Variants in PKHD1L1 observed in about 807,000 individuals in gnomAD.
The protein encoded by PKHD1L1 is PKHD1 like 1, also known as fibrocystin-L.
A neutral mutation model predicts 462.9 loss-of-function variants in PKHD1L1; 434 were observed. The observed-to-expected ratio is 0.94, with a 90% CI of 0.87 to 1.02. The LOEUF is 1.02. Ranked by LOEUF, PKHD1L1 falls within the 50% of genes least tolerant of loss-of-function variation. PKHD1L1 has a pLI of 0.00. For synonymous variants in PKHD1L1, 1,781 were observed against 1,750.0 expected, an observed-to-expected ratio of 1.02 and a Z score of -0.44; for missense variants, 5,202 against 5,096.1, an observed-to-expected ratio of 1.02 and a Z score of -0.63.
intron 21 of PKHD1L1, among the ~76,000 whole-genome samples, chr8:109,416,320 C>G (rs1814167982): frequency 6.6e-6 from 1 of 152,100 alleles, no homozygotes; most frequent in African/African-American, 2.4e-5. Flanking sequence ...ACACAAAGTT[C>G]ATTAGATACT....
Position 109,400,124 on chromosome 8 carries a change from G to A in PKHD1L1, c.1061G>A (p.Arg354His), listed in dbSNP as rs767792783. The A allele has an allele frequency of 1.5e-5, 24 of 1,613,040 alleles. No individual in the cohort carries two copies. The highest frequency in any genetic ancestry group is 5.0e-5 in the Admixed American group (3 of 59,936). The stretch of plus-strand genomic sequence containing the variant: ...GTGTGGAATAATAGCCGTCCAATAC[G>A]TTTGGAAGAGATACTGGAATACAAT... ...LEVWNNSRPI[R>H]LEEILEYNEK... The change falls in exon 13 of 78, where the codon CGT becomes CAT. Residue 354 changes from arginine (R) to histidine (H), a missense_variant. Arg to His is a conservative substitution (Grantham distance 29, BLOSUM62 0). Coordinates refer to ENST00000378402, the MANE Select transcript of PKHD1L1 (RefSeq NM_177531.6).
At chr8:109,404,860 G>T in intron 15 of PKHD1L1, 135 bp from the exon 16 acceptor site, 5 of 1,141,182 alleles carry the variant, frequency 4.4e-6, no homozygotes, top group Non-Finnish European at 6.0e-6. Context: ...GTATTTGTAC[G>T]ATAAGCCAAA....
intron 10 of PKHD1L1, among the ~76,000 whole-genome samples, chr8:109,395,726 G>T (rs1441191298): frequency 6.6e-6 from 1 of 152,122 alleles, no homozygotes. Context: ...GGTTCTACCT[G>T]CCTTCGTGCT....
chr8:109,433,863 A>G (rs1021102704), intron 28 of PKHD1L1, among the ~76,000 whole-genome samples: 1 of 152,098 alleles, frequency 6.6e-6, no homozygotes, highest in African/African-American at 2.4e-5. Flanking sequence ...TCAATATTGC[A>G]CCTGTATTAT....
chr8:109,380,975 A>G (rs1340973857), intron 2 of PKHD1L1, among the ~76,000 whole-genome samples: 1 of 152,140 alleles, frequency 6.6e-6, no homozygotes, highest in East Asian at 1.9e-4. Context: ...GGCTCTCTGT[A>G]ACTTCGAGCC....
chr8:109,487,281 T>G (rs1818575320), intron 59 of PKHD1L1, among the ~76,000 whole-genome samples: 1 of 152,026 alleles, frequency 6.6e-6, no homozygotes, highest in Admixed American at 6.6e-5. Context: ...TGGATTGTAT[T>G]GAAGTAATCA....
intron 71 of PKHD1L1, among the ~76,000 whole-genome samples, chr8:109,512,870 C>G (rs566520506): frequency 6.6e-6 from 1 of 150,568 alleles, no homozygotes; most frequent in Non-Finnish European, 1.5e-5. Flanking sequence ...CTTTTATTTC[C>G]TTGAGCAGTG....
rs775907715 is a variant in PKHD1L1, at chr8:109,498,703, T to G, written c.10760T>G (p.Met3587Arg). 4 of 1,614,014 alleles carry G rather than the reference T, an allele frequency of 2.5e-6. No individual in the cohort carries two copies. The South Asian group carries it at 3.3e-5, about 13-fold the overall frequency. The change falls in exon 67 of 78, where the codon ATG (methionine) becomes AGG (arginine). Residue 3587 changes from methionine (M) to arginine (R), a missense_variant. Met to Arg is a moderately conservative substitution (Grantham distance 91). Transcript: ENST00000378402. ...CCTACCTTTGCTTCAGCTCATAACA[T>G]GGCACCCCGAAAGCCCCATGCAGGA... Reference protein sequence around the residue: ...CWPTFASAHNMAPRKPHAGIM... With the variant: ...CWPTFASAHNRAPRKPHAGIM...
At chr8:109,410,654 G>A (rs1313278297) in intron 19 of PKHD1L1, among the ~76,000 whole-genome samples, 2 of 151,416 alleles carry the variant, frequency 1.3e-5, no homozygotes, top group Non-Finnish European at 2.9e-5. Flanking sequence ...TTCAACATGC[G>A]ATTTGGTGGG....
intron 32 of PKHD1L1, 30 bp downstream of exon 32, chr8:109,439,122 T>C (rs1815623344): frequency 1.3e-6 from 2 of 1,583,790 alleles, no homozygotes; most frequent in Non-Finnish European, 1.7e-6. Context: ...CTTGATGGAG[T>C]TGTAGAACAC....
chr8:109,481,546 A>G lies in PKHD1L1; in HGVS notation c.9441A>G (p.Gln3147=). 3 of 1,593,520 alleles carry G rather than the reference A, an allele frequency of 1.9e-6. No individual in the cohort carries two copies. Among genetic ancestry groups the G allele is most frequent in the Non-Finnish European group, 2.6e-6 (3 of 1,169,660 alleles). ...GGGCTCTTCCAGAAGGACCAAATCA[A>G]GGGGCAAAGGTCTTAGGTGTGTGTC... is the stretch of plus-strand genomic sequence containing the variant. ...QDWALPEGPN[Q]GAKVLGVFGE... The change falls in exon 56 of 78, where the codon CAA becomes CAG. Residue 3147 remains glutamine, a synonymous_variant. Transcript: ENST00000378402.
At chr8:109,454,433 G>T (rs1360729358) in intron 44 of PKHD1L1, among the ~76,000 whole-genome samples, 187 bp downstream of exon 44, 2 of 152,052 alleles carry the variant, frequency 1.3e-5, no homozygotes, top group Non-Finnish European at 2.9e-5. Flanking sequence ...TGTTTTTAAT[G>T]GGAAGATAGT....
intron 2 of PKHD1L1, among the ~76,000 whole-genome samples, chr8:109,370,952 A>G (rs1330734180): frequency 2.0e-5 from 3 of 152,202 alleles, no homozygotes; most frequent in Admixed American, 6.5e-5. Context: ...TATTGTGAAT[A>G]GTGCCGCAAT....
Position 109,445,067 on chromosome 8 carries a change from C to G in PKHD1L1, c.5198C>G (p.Ala1733Gly). 1 of 1,613,876 alleles carries G rather than the reference C, an allele frequency of 6.2e-7. No homozygotes were observed. The highest frequency in any genetic ancestry group is 8.5e-7 in the Non-Finnish European group (1 of 1,179,858). The change falls in exon 38 of 78, where the codon GCC (alanine) becomes GGC (glycine). Residue 1733 changes from alanine (A) to glycine (G), a missense_variant. This residue lies in a region of PKHD1L1 where 4,497 missense variants were observed against 4,336.8 expected (regional missense o/e 1.04). Coordinates refer to ENST00000378402, the MANE Select transcript of PKHD1L1 (RefSeq NM_177531.6). The stretch of plus-strand genomic sequence containing the variant: ...GATCTTCTAATACATGGAGTGCCTG[C>G]CCAGTGCCAGGGAAACTGCACCTTT... ...DVDLLIHGVP[A>G]QCQGNCTFSY...
chr8:109,363,822 C>T (rs1811096151), intron 1 of PKHD1L1, among the ~76,000 whole-genome samples: 1 of 152,154 alleles, frequency 6.6e-6, no homozygotes, highest in East Asian at 1.9e-4. Context: ...TTTATAGAAG[C>T]CAGTGTGACA....
In PKHD1L1 at chr8:109,438,386, T is replaced by C. The variant is rs1815561427; in HGVS notation, c.3690T>C (p.Asp1230=). 1.9e-6 allele frequency: 3 copies of C among 1,541,340 alleles called. No individual in the cohort carries two copies. The highest frequency in any genetic ancestry group is 2.4e-5 in the East Asian group (1 of 40,974). Residue 1230 remains aspartate (D), a synonymous_variant, in exon 31 of 78, where the codon GAT becomes GAC. Transcript: ENST00000378402. ...ATGGATTTCAAGCCACAGCAAGGGA[T>C]GCTTTTAGTTATAATTGTTTACAGA... is the stretch of plus-strand genomic sequence containing the variant. ...TTNGFQATAR[D]AFSYNCLQTP...
At chr8:109,497,370 C>G in intron 65 of PKHD1L1, 98 bp downstream of exon 65, 2 of 1,368,690 alleles carry the variant, frequency 1.5e-6, no homozygotes, top group East Asian at 4.7e-5. Context: ...TAACTTCTAT[C>G]TCTGTCTCGC....
chr8:109,423,186 G>A (rs1563525258), intron 23 of PKHD1L1, among the ~76,000 whole-genome samples: 2 of 151,278 alleles, frequency 1.3e-5, no homozygotes, highest in Non-Finnish European at 2.9e-5. Context: ...TTTGAACGGT[G>A]CTTTTGGTTT....
At chr8:109,420,783 A>T in intron 23 of PKHD1L1, 93 bp downstream of exon 23, 1 of 990,686 alleles carries the variant, frequency 1.0e-6, no homozygotes, top group Non-Finnish European at 1.4e-6. Flanking sequence ...TTTTAACAGG[A>T]AAAGACAGCT....
Sources: gnomAD v4.1 joint callset for allele counts (sites outside exome capture counted in the v4.1 genomes callset) on GRCh38, gnomAD v4.1.1 for gene constraint, gnomAD v4.1.1 regional missense constraint, MANE v1.5 for transcripts, NCBI Gene and HGNC (gene_info 2026-07-23, HGNC 2026-07-21) for gene names.